Variants in ANKRD6 observed in about 807,000 individuals in gnomAD.
ANKRD6 encodes the protein ankyrin repeat domain 6, also known as ankyrin repeat domain-containing protein 6.
In ANKRD6, 56 loss-of-function variants were observed where a neutral mutation model predicts 82.3. That is an observed-to-expected ratio of 0.68 (90% CI 0.55 to 0.85). The LOEUF (loss-of-function observed/expected upper bound fraction) is 0.85. Ranked by LOEUF, ANKRD6 falls within the 40% of genes least tolerant of loss-of-function variation. The pLI, the probability that ANKRD6 is intolerant of heterozygous loss-of-function variation, is 0.00. For missense variants in ANKRD6, 852 were observed against 907.6 expected (o/e 0.94, Z 0.79); for synonymous variants, 347 against 352.1 (o/e 0.99, Z 0.16).
chr6:89,572,318 A>G (rs1017707945), intron 2 of ANKRD6, among the ~76,000 whole-genome samples: 2 of 152,156 alleles, frequency 1.3e-5, no homozygotes, highest in African/African-American at 2.4e-5. Flanking sequence ...ATCACATGGT[A>G]AGAATGTTTT....
intron 1 of ANKRD6, among the ~76,000 whole-genome samples, chr6:89,457,600 G>C (rs1158609804): frequency 6.6e-6 from 1 of 152,074 alleles, no homozygotes; most frequent in South Asian, 2.1e-4. Flanking sequence ...TCTATTAATA[G>C]ATTTATCTTC....
rs1369053803 is a variant in ANKRD6 at position 89,441,188 on chromosome 6, T to A, written c.-144+7813T>A. ...TTTTTTGAGACAGAGTCTCGCTCTG[T>A]CTCCCAGGCTGGAGTGCAGTGGTGT... On this transcript the variant is annotated intron_variant, in intron 1 of 15. Coordinates refer to ENST00000339746, the MANE Select transcript of ANKRD6 (RefSeq NM_001242809.2). 3.9e-5 allele frequency among the ~76,000 whole-genome samples: 6 copies of A among 152,304 alleles called. No homozygotes were observed. In the East Asian group the frequency reaches 1.2e-3, roughly 29 times the overall value.
intron 1 of ANKRD6, among the ~76,000 whole-genome samples, chr6:89,445,741 G>T (rs1030184925): frequency 4.0e-5 from 6 of 151,786 alleles, no homozygotes; most frequent in African/African-American, 9.7e-5. Flanking sequence ...ACTGCGCCTG[G>T]CTCAATTTTT....
intron 1 of ANKRD6, among the ~76,000 whole-genome samples, chr6:89,546,027 T>C (rs1785045145): frequency 6.6e-6 from 1 of 152,320 alleles, no homozygotes; most frequent in Non-Finnish European, 1.5e-5. Context: ...CAGGATGGTC[T>C]TGATCTCCTG....
At chr6:89,450,397 A>G (rs1240622524) in intron 1 of ANKRD6, among the ~76,000 whole-genome samples, 1 of 152,094 alleles carries the variant, frequency 6.6e-6, no homozygotes, top group Non-Finnish European at 1.5e-5. Context: ...ACATTCAACA[A>G]CGATCACCCT....
chr6:89,451,684 C>T (rs1365125659), intron 1 of ANKRD6, among the ~76,000 whole-genome samples: 1 of 152,140 alleles, frequency 6.6e-6, no homozygotes, highest in Non-Finnish European at 1.5e-5. Flanking sequence ...ATATTCTTCC[C>T]TTGGTACTTA....
intron 1 of ANKRD6, among the ~76,000 whole-genome samples, chr6:89,451,150 A>G (rs1057191067): frequency 6.6e-6 from 1 of 152,158 alleles, no homozygotes; most frequent in Non-Finnish European, 1.5e-5. Context: ...TCTACAAAAA[A>G]TACAAAAAGT....
chr6:89,579,502 G>A (rs1332986184), intron 2 of ANKRD6, among the ~76,000 whole-genome samples: 1 of 152,110 alleles, frequency 6.6e-6, no homozygotes, highest in Non-Finnish European at 1.5e-5. Context: ...CGGGTGCAGT[G>A]GCTCATGCCT....
intron 1 of ANKRD6, among the ~76,000 whole-genome samples, chr6:89,528,608 C>T (rs921063593): frequency 6.6e-6 from 1 of 152,200 alleles, no homozygotes. Flanking sequence ...CTGTGAATCA[C>T]GAATGTTCCT....
At chr6:89,517,026 A>G (rs1357171457) in intron 1 of ANKRD6, among the ~76,000 whole-genome samples, 1 of 152,044 alleles carries the variant, frequency 6.6e-6, no homozygotes, top group Non-Finnish European at 1.5e-5. Context: ...ATACCACCAA[A>G]ACGAGATGAT....
intron 1 of ANKRD6, among the ~76,000 whole-genome samples, chr6:89,480,548 A>AT (rs1441560250): frequency 1.3e-5 from 2 of 150,452 alleles, no homozygotes; most frequent in African/African-American, 4.9e-5. Context: ...TATTTTATAT[A>AT]TTTTTTGTAT....
At chr6:89,452,055 G>A (rs113251640) in intron 1 of ANKRD6, among the ~76,000 whole-genome samples, 125 of 152,208 alleles carry the variant, frequency 8.2e-4, no homozygotes, top group Non-Finnish European at 1.3e-3. Context: ...TTAGCCAGGT[G>A]TGGTATTCCC....
intron 1 of ANKRD6, among the ~76,000 whole-genome samples, chr6:89,560,002 A>G (rs1014280213): frequency 1.3e-5 from 2 of 152,196 alleles, no homozygotes; most frequent in Non-Finnish European, 2.9e-5. Flanking sequence ...CATTCATTAA[A>G]TGGACATTAA....
chr6:89,528,951 G>T lies in ANKRD6; in HGVS notation c.-143-37883G>T, dbSNP rs78177812. On this transcript the variant is annotated intron_variant, in intron 1 of 15. Coordinates refer to ENST00000339746, the MANE Select transcript of ANKRD6 (RefSeq NM_001242809.2). ...TCAGTAAGCCATGATGTAAACAGAT[G>T]TGCTGTCATCTGGCCTTTGTTGTTC... is the stretch of plus-strand genomic sequence containing the variant. 4.2e-4 allele frequency among the ~76,000 whole-genome samples: 64 copies of T among 152,336 alleles called. 1 individual carries two copies. In the East Asian group the frequency reaches 0.011, roughly 27 times the overall value.
intron 2 of ANKRD6, among the ~76,000 whole-genome samples, chr6:89,573,675 C>T (rs1226019986): frequency 1.3e-5 from 2 of 152,218 alleles, no homozygotes; most frequent in Admixed American, 6.5e-5. Flanking sequence ...ACTCCTTATT[C>T]TACCCTCTTG....
chr6:89,597,025 T>C (rs543099067), intron 3 of ANKRD6, among the ~76,000 whole-genome samples: 46 of 152,364 alleles, frequency 3.0e-4, no homozygotes, highest in Admixed American at 2.3e-3. Flanking sequence ...TGTGGTTTAC[T>C]AAAGTGCTTC....
intron 2 of ANKRD6, among the ~76,000 whole-genome samples, chr6:89,578,954 C>T (rs1791802343): frequency 6.6e-6 from 1 of 152,206 alleles, no homozygotes; most frequent in Non-Finnish European, 1.5e-5. Context: ...CCTTCCACCA[C>T]TATGCTGGCC....
intron 13 of ANKRD6, among the ~76,000 whole-genome samples, chr6:89,627,200 G>A (rs1238485399): frequency 2.6e-5 from 4 of 151,940 alleles, no homozygotes; most frequent in African/African-American, 9.7e-5. Flanking sequence ...GGGACTACAG[G>A]CATGTGCCAC....
chr6:89,570,976 AC>A (rs1407326260), intron 2 of ANKRD6, among the ~76,000 whole-genome samples: 1 of 152,204 alleles, frequency 6.6e-6, no homozygotes, highest in Non-Finnish European at 1.5e-5. Context: ...TGGCTGTTGC[AC>A]CATTTTACAG....
Sources: gnomAD v4.1 joint callset for allele counts (sites outside exome capture counted in the v4.1 genomes callset) on GRCh38, gnomAD v4.1.1 for gene constraint, MANE v1.5 for transcripts, NCBI Gene and HGNC (gene_info 2026-07-23, HGNC 2026-07-21) for gene names.